PUM2: variants seen among roughly 807,000 people sequenced by gnomAD.
PUM2 encodes the protein pumilio RNA binding family member 2.
A neutral mutation model predicts 124.5 loss-of-function variants in PUM2; 57 were observed. That is an observed-to-expected ratio of 0.46 (90% confidence interval 0.37 to 0.57). PUM2 has a LOEUF of 0.57. PUM2 is among the 20% of genes least tolerant of loss of function. The probability of loss-of-function intolerance (pLI) is 0.00; values close to 1 mark genes in which losing one functional copy is unlikely to be tolerated. For synonymous variants in PUM2, 460 were observed against 446.1 expected, an observed-to-expected ratio of 1.03 and a Z score of -0.39; for missense variants, 1,065 against 1,290.6, an observed-to-expected ratio of 0.83 and a Z score of 2.68.
chr2:20,311,946 G>C (rs2148604418), intron 4 of PUM2, among the ~76,000 whole-genome samples: 1 of 152,194 alleles, frequency 6.6e-6, no homozygotes, highest in Admixed American at 6.5e-5. Flanking sequence ...ATTTTGTTTA[G>C]TTACTTTCAG....
At chr2:20,338,436 C>T (rs1007825315) in intron 1 of PUM2, among the ~76,000 whole-genome samples, 2 of 152,108 alleles carry the variant, frequency 1.3e-5, no homozygotes, top group African/African-American at 4.8e-5. Context: ...CAATTGTTTA[C>T]CACTTATCCC....
At chr2:20,350,038 A>G (rs941973516) in intron 1 of PUM2, among the ~76,000 whole-genome samples, 4 of 152,240 alleles carry the variant, frequency 2.6e-5, no homozygotes, top group African/African-American at 9.6e-5. Context: ...GTTTTAATTT[A>G]CATATTTTTC....
chr2:20,336,796 GTGT>G (rs1686214447), intron 1 of PUM2, among the ~76,000 whole-genome samples: 2 of 125,414 alleles, frequency 1.6e-5, no homozygotes, highest in Non-Finnish European at 3.4e-5. Context: ...GTGTGTGTGT[GTGT>G]GTGGTACAGA....
intron 2 of PUM2, among the ~76,000 whole-genome samples, chr2:20,319,988 C>T (rs1264240622): frequency 6.6e-6 from 1 of 152,098 alleles, no homozygotes; most frequent in African/African-American, 2.4e-5. Flanking sequence ...GGGTACTGGG[C>T]CAGGAGAGGT....
intron 1 of PUM2, 63 bp downstream of exon 1, chr2:20,350,534 C>A: frequency 1.0e-6 from 1 of 985,708 alleles, no homozygotes; most frequent in Non-Finnish European, 1.2e-6. Flanking sequence ...CCGCACAAAG[C>A]CTGGGGAGCC....
intron 2 of PUM2, 26 bp from the exon 3 acceptor site, chr2:20,318,671 A>T (rs1572902120): frequency 6.7e-7 from 1 of 1,483,094 alleles, no homozygotes; most frequent in Non-Finnish European, 9.4e-7. Flanking sequence ...ATTACAGTTA[A>T]ATTTTATTCT....
intron 7 of PUM2, among the ~76,000 whole-genome samples, chr2:20,302,124 G>A (rs937671434): frequency 6.6e-6 from 1 of 152,148 alleles, no homozygotes; most frequent in Non-Finnish European, 1.5e-5. Flanking sequence ...CAGAGTTCAG[G>A]CTGGTCTTGA....
intron 13 of PUM2, among the ~76,000 whole-genome samples, chr2:20,264,914 T>G (rs753815274): frequency 2.0e-5 from 3 of 152,122 alleles, no homozygotes; most frequent in Non-Finnish European, 4.4e-5. Context: ...TGTCCTAGCT[T>G]TACTTTTTTT....
rs543784626 is a variant in PUM2 at position 20,295,933 on chromosome 2, T to C, written c.1010-1415A>G. 1.6e-4 allele frequency among the ~76,000 whole-genome samples: 24 copies of C among 152,322 alleles called. No homozygotes were observed. In the South Asian group the frequency reaches 4.6e-3, roughly 29 times the overall value. On this transcript the variant is annotated intron_variant, in intron 8 of 20. Transcript: ENST00000361078. Reference sequence around the variant, plus strand: ...CAATGCTGGTCCTAGAAAACTTAAGTCCAAAATACATAGAATGCTTATACA... The same window carrying C: ...CAATGCTGGTCCTAGAAAACTTAAGCCCAAAATACATAGAATGCTTATACA...
At chr2:20,281,424 G>C (rs77988950) in intron 12 of PUM2, among the ~76,000 whole-genome samples, 7 of 152,132 alleles carry the variant, frequency 4.6e-5, no homozygotes, top group African/African-American at 1.7e-4. Context: ...TGAACCAGAC[G>C]ATCAGTGACA....
rs766970162 is a variant in PUM2, at chr2:20,308,375, TGATTACCAG to T, written c.719_727del (p.Pro240_Asn242del). The stretch of plus-strand genomic sequence containing the variant: ...AGCTCCTGAAGAGTCCATTGGTACC[TGATTACCAG>T]GATAGTCAAACTGTAAGGATTCCAG... On this transcript the variant is annotated inframe_deletion, in exon 6 of 21. Transcript: ENST00000361078. 2.7e-5 allele frequency: 43 copies of T among 1,613,962 alleles called. No homozygotes were observed. Among genetic ancestry groups the T allele is most frequent in the Non-Finnish European group, 3.5e-5 (41 of 1,179,940 alleles).
At chr2:20,257,025 C>T (rs1381317855) in intron 16 of PUM2, among the ~76,000 whole-genome samples, 9 of 103,514 alleles carry the variant, frequency 8.7e-5, no homozygotes, top group Non-Finnish European at 1.6e-4. Context: ...GCCTGGGCGA[C>T]ACAGCAAGAT....
chr2:20,329,526 G>A (rs1303466106), intron 1 of PUM2, among the ~76,000 whole-genome samples: 1 of 152,022 alleles, frequency 6.6e-6, no homozygotes, highest in African/African-American at 2.4e-5. Context: ...TCTTGGGTAT[G>A]TCTGAAGAAC....
Position 20,341,322 on chromosome 2 carries a change from A to T in PUM2, c.-19+9275T>A, listed in dbSNP as rs564474402. 5.9e-5 allele frequency among the ~76,000 whole-genome samples: 9 copies of T among 152,346 alleles called. No homozygotes were observed. In the South Asian group the frequency reaches 8.3e-4, roughly 14 times the overall value. ...ACCACTTATATGGTGGTACAAAATTAAAAAAATAAGCCAAACTCAACAACA... is the reference window on the plus strand; with the variant it reads ...ACCACTTATATGGTGGTACAAAATTTAAAAAATAAGCCAAACTCAACAACA... On this transcript the variant is annotated intron_variant, in intron 1 of 20. Coordinates refer to ENST00000361078, the MANE Select transcript of PUM2 (RefSeq NM_015317.5).
At chr2:20,350,962 G>T (rs895547186), upstream of PUM2, 5 of 192,594 alleles carry the variant, frequency 2.6e-5, no homozygotes, top group Non-Finnish European at 9.5e-6. Context: ...CCGCCGCGCG[G>T]GCCGGGGGCG....
chr2:20,255,190 A>G (rs1315679229), intron 18 of PUM2, 26 bp downstream of exon 18: 1 of 1,562,838 alleles, frequency 6.4e-7, no homozygotes, highest in African/African-American at 1.4e-5. Context: ...ATATATAAAC[A>G]TTTCAAATTA....
At chr2:20,339,412 T>C (rs904214248) in intron 1 of PUM2, among the ~76,000 whole-genome samples, 4 of 152,148 alleles carry the variant, frequency 2.6e-5, no homozygotes, top group African/African-American at 7.2e-5. Context: ...ATTTTCATTT[T>C]AGTCTTGTTT....
At chr2:20,304,734 T>C (rs1312213579) in intron 7 of PUM2, among the ~76,000 whole-genome samples, 1 of 152,226 alleles carries the variant, frequency 6.6e-6, no homozygotes, top group Admixed American at 6.5e-5. Flanking sequence ...TATTCAAAGC[T>C]GACTTGAGAT....
At chr2:20,278,518 AACACAC>A (rs141308371) in intron 13 of PUM2, 59 bp downstream of exon 13, 6 of 1,300,310 alleles carry the variant, frequency 4.6e-6, no homozygotes, top group Non-Finnish European at 6.4e-6. Context: ...ATATATTATA[AACACAC>A]ACACAAACAC....
Sources: gnomAD v4.1 joint callset for allele counts (sites outside exome capture counted in the v4.1 genomes callset) on GRCh38, gnomAD v4.1.1 for gene constraint, MANE v1.5 for transcripts, NCBI Gene and HGNC (gene_info 2026-07-23, HGNC 2026-07-21) for gene names.